SGCD: variants seen among roughly 807,000 people sequenced by gnomAD.
SGCD encodes sarcoglycan delta.
SGCD carries 18 observed loss-of-function variants against 36.6 expected under a neutral mutation model. The observed-to-expected ratio is 0.49, with a 90% CI of 0.34 to 0.73. SGCD has a LOEUF of 0.73. Ranked by LOEUF, SGCD falls within the 30% of genes least tolerant of loss-of-function variation. The pLI is 0.01. For missense variants in SGCD, 387 were observed against 346.7 expected, an observed-to-expected ratio of 1.12 and a Z score of -0.92; for synonymous variants, 133 against 130.6, an observed-to-expected ratio of 1.02 and a Z score of -0.12.
At chr5:156,589,163 T>C in intron 4 of SGCD, 68 bp from the exon 5 acceptor site, 1 of 1,178,920 alleles carries the variant, frequency 8.5e-7, no homozygotes, top group Middle Eastern at 1.9e-4. Context: ...CTTGGAGAGT[T>C]GTAATGACAG....
At chr5:156,076,220 A>G (rs1187445905) in intron 1 of SGCD, among the ~76,000 whole-genome samples, 6 of 151,830 alleles carry the variant, frequency 4.0e-5, no homozygotes, top group Admixed American at 6.6e-5. Context: ...TTCTTTTTGT[A>G]TGTTGTCTTC....
chr5:155,961,600 T>G (rs1178746719), intron 1 of SGCD, among the ~76,000 whole-genome samples: 1 of 152,142 alleles, frequency 6.6e-6, no homozygotes, highest in Non-Finnish European at 1.5e-5. Flanking sequence ...TGCTGTGTGT[T>G]GCCGTCCTAC....
chr5:155,790,717 A>G, the SGCD span, among the ~76,000 whole-genome samples: 1 of 152,112 alleles, frequency 6.6e-6, no homozygotes, highest in Non-Finnish European at 1.5e-5. Flanking sequence ...ATTGCTGAAA[A>G]TAACAGATAT....
intron 3 of SGCD, among the ~76,000 whole-genome samples, chr5:156,436,700 A>G (rs573362017): frequency 1.3e-5 from 2 of 152,282 alleles, no homozygotes; most frequent in Middle Eastern, 3.4e-3. Context: ...TGCAGTGGCT[A>G]AATTTACCCT....
At chr5:155,990,970 T>C (rs1758420634) in intron 1 of SGCD, among the ~76,000 whole-genome samples, 1 of 152,152 alleles carries the variant, frequency 6.6e-6, no homozygotes, top group African/African-American at 2.4e-5. Flanking sequence ...TGTCTCTCAG[T>C]GTCACCTGGA....
At position 156,595,093 on chromosome 5, in the gene SGCD, G is replaced by GT. The variant is rs1272215215; in HGVS notation, c.502+43dup. The GT allele has an allele frequency of 2.5e-6, 4 of 1,575,424 alleles. No individual in the cohort carries two copies. In the East Asian group the frequency reaches 9.1e-5, roughly 36 times the overall value. ...CATTTAACTTGTTTGATGCTACTGTGTACATTTTAGAGGAGAAGCAAAATG... is the reference window on the plus strand; with the variant it reads ...CATTTAACTTGTTTGATGCTACTGTGTTACATTTTAGAGGAGAAGCAAAATG... On this transcript the variant is annotated intron_variant, in intron 6 of 8. Transcript: ENST00000337851.
In SGCD at chr5:156,657,294, G is replaced by A. The variant is rs559225348; in HGVS notation, c.575+9758G>A. On this transcript the variant is annotated intron_variant, in intron 7 of 8. Coordinates refer to ENST00000337851, the MANE Select transcript of SGCD (RefSeq NM_000337.6). The stretch of plus-strand genomic sequence containing the variant: ...AAGTTTTAGGGTACATGTGCACAAT[G>A]TGCAGGTTTGTTACATATGTATACA... Among the ~76,000 whole-genome samples, 4 of 150,806 alleles carry A rather than the reference G, an allele frequency of 2.7e-5. No individual in the cohort carries two copies. The East Asian group carries it at 7.8e-4, about 30-fold the overall frequency.
At chr5:156,264,060 A>G (rs996386) in intron 3 of SGCD, among the ~76,000 whole-genome samples, 8,204 of 152,162 alleles carry the variant, frequency 0.054, 249 homozygotes, top group Non-Finnish European at 0.069. Context: ...GTAAAAAAAA[A>G]GAAAAGAGGA....
chr5:156,427,477 G>A (rs1042230145), intron 3 of SGCD, among the ~76,000 whole-genome samples: 8 of 151,740 alleles, frequency 5.3e-5, no homozygotes, highest in South Asian at 2.1e-4. Context: ...CAATCATATT[G>A]GTGAACAGCG....
intron 6 of SGCD, among the ~76,000 whole-genome samples, chr5:156,624,348 A>G (rs192090425): frequency 2.6e-5 from 4 of 152,282 alleles, no homozygotes; most frequent in African/African-American, 7.2e-5. Context: ...TTGGGAGGCC[A>G]AGGCGGGTGG....
chr5:156,419,248 A>G (rs1428028002), intron 3 of SGCD, among the ~76,000 whole-genome samples: 2 of 152,188 alleles, frequency 1.3e-5, no homozygotes, highest in Non-Finnish European at 2.9e-5. Context: ...CTGCCCCTTA[A>G]ACAGCAAGAG....
At chr5:156,509,678 T>C (rs1756850339) in intron 4 of SGCD, among the ~76,000 whole-genome samples, 1 of 152,240 alleles carries the variant, frequency 6.6e-6, no homozygotes. Flanking sequence ...AAGCCTTCTC[T>C]GTTAACCATT....
chr5:155,854,008 C>T, the SGCD span, among the ~76,000 whole-genome samples: 1 of 152,148 alleles, frequency 6.6e-6, no homozygotes, highest in Non-Finnish European at 1.5e-5. Flanking sequence ...CACTTCTTTT[C>T]ATAGGAAGAG....
chr5:156,171,991 A>G (rs1763356726), intron 3 of SGCD, among the ~76,000 whole-genome samples: 1 of 152,134 alleles, frequency 6.6e-6, no homozygotes, highest in Admixed American at 6.5e-5. Flanking sequence ...TAACTCATTC[A>G]AGATCAGCAG....
chr5:156,723,771 G>A (rs1291333656), intron 7 of SGCD, among the ~76,000 whole-genome samples: 4 of 152,148 alleles, frequency 2.6e-5, no homozygotes, highest in Non-Finnish European at 4.4e-5. Flanking sequence ...TCCAGACAAC[G>A]CAGGGCTTGT....
intron 7 of SGCD, among the ~76,000 whole-genome samples, chr5:156,668,768 A>G (rs1160223438): frequency 6.6e-6 from 1 of 152,190 alleles, no homozygotes; most frequent in Non-Finnish European, 1.5e-5. Context: ...TAGGAAGAAG[A>G]TGGGACATAT....
chr5:156,645,967 A>G (rs1486064923), intron 6 of SGCD, among the ~76,000 whole-genome samples: 1 of 152,154 alleles, frequency 6.6e-6, no homozygotes, highest in Non-Finnish European at 1.5e-5. Flanking sequence ...GATTCCTGGG[A>G]GATAAAGGTA....
intron 1 of SGCD, among the ~76,000 whole-genome samples, chr5:155,982,742 G>A (rs901792136): frequency 5.3e-5 from 8 of 152,170 alleles, no homozygotes; most frequent in African/African-American, 1.7e-4. Flanking sequence ...CCTCAGCTAC[G>A]ATACTGGTGA....
chr5:155,904,233 T>C (rs1024528325), intron 1 of SGCD, among the ~76,000 whole-genome samples: 10 of 152,182 alleles, frequency 6.6e-5, no homozygotes, highest in Non-Finnish European at 1.5e-4. Context: ...CAGGAGCAAG[T>C]TTCCCTGGCA....
Sources: allele counts gnomAD v4.1 joint callset (sites outside exome capture counted in the v4.1 genomes callset), GRCh38; gene constraint gnomAD v4.1.1; transcripts MANE v1.5; gene names NCBI Gene and HGNC (gene_info 2026-07-23, HGNC 2026-07-21).